The following HAUS7 variants were observed in gnomAD, a reference collection of about 807,000 sequenced individuals.
HAUS7 encodes the protein HAUS augmin-like complex subunit 7.
A neutral mutation model predicts 28.4 loss-of-function variants in HAUS7; 3 were observed. The ratio of observed to expected loss-of-function variants is 0.11; its 90% confidence interval spans 0.05 to 0.27. The LOEUF is 0.27. HAUS7 is among the 10% of genes least tolerant of loss of function. The pLI is 1.00. For missense variants in HAUS7, 284 were observed against 297.3 expected, an observed-to-expected ratio of 0.96 and a Z score of 0.33; for synonymous variants, 165 against 132.1, an observed-to-expected ratio of 1.25 and a Z score of -1.71.
chrX:153,486,953 G>A (rs782695229), intron 1 of HAUS7: 7 of 471,362 alleles, frequency 1.5e-5, no homozygotes, highest in Non-Finnish European at 2.2e-5. Context: ...CCCATTGACT[G>A]GTGAGGCCGC....
At chrX:153,453,277 T>G (rs1455464986) in intron 9 of HAUS7, among the ~76,000 whole-genome samples, 1 of 111,279 alleles carries the variant, frequency 9.0e-6, no homozygotes, top group Non-Finnish European at 1.9e-5. Flanking sequence ...TAGGGAGGGA[T>G]GGGGAATGGC....
intron 1 of HAUS7, chrX:153,486,870 C>A: frequency 1.1e-6 from 1 of 920,546 alleles, no homozygotes. Context: ...GAGGGGCAGG[C>A]TGAGGTGTGC....
intron 9 of HAUS7, among the ~76,000 whole-genome samples, chrX:153,451,853 C>G (rs2089243632): frequency 8.9e-6 from 1 of 111,789 alleles, no homozygotes; most frequent in Non-Finnish European, 1.9e-5. Context: ...CCTGATCTCT[C>G]ACCTCTGGCT....
chrX:153,454,020 T>C (rs899642244), intron 9 of HAUS7, among the ~76,000 whole-genome samples: 1 of 110,971 alleles, frequency 9.0e-6, no homozygotes, highest in Non-Finnish European at 1.9e-5. Flanking sequence ...GGTTTTGCCA[T>C]GTTGCCCAGG....
chrX:153,454,993 C>T lies in HAUS7; in HGVS notation c.931-485G>A, dbSNP rs781958912. 4.9e-6 allele frequency: 5 copies of T among 1,019,766 alleles called. No homozygotes were observed. The East Asian group carries it at 1.8e-4, about 37-fold the overall frequency. The allele number at this position is 1,019,766 out of a possible 1,213,427, so 84.0% of individuals were successfully genotyped here. On this transcript the variant is annotated intron_variant, in intron 8 of 9. Transcript: ENST00000370211. ...AATCCTTGAGCCAAGGGCAGAGTTG[C>T]GCACGTGGGAACTGTAGTCATCGTA... is the stretch of plus-strand genomic sequence containing the variant.
intron 1 of HAUS7, among the ~76,000 whole-genome samples, chrX:153,484,012 C>A (rs2089619318): frequency 8.9e-6 from 1 of 112,301 alleles, no homozygotes; most frequent in African/African-American, 3.2e-5. Flanking sequence ...ACAGAAATAA[C>A]CTCTCTCAGT....
chrX:153,474,235 C>A (rs2089547347), upstream of HAUS7, among the ~76,000 whole-genome samples: 1 of 112,300 alleles, frequency 8.9e-6, no homozygotes, highest in Admixed American at 9.3e-5. Flanking sequence ...GGGACCTTGG[C>A]TTCCTCTTCC....
chrX:153,463,341 C>T (rs2089416825), intron 3 of HAUS7, among the ~76,000 whole-genome samples: 2 of 111,801 alleles, frequency 1.8e-5, no homozygotes, highest in African/African-American at 6.5e-5. Context: ...ATATAAATGC[C>T]AACTGCATGC....
At chrX:153,467,246 A>G (rs1602941059) in intron 2 of HAUS7, among the ~76,000 whole-genome samples, 1 of 112,043 alleles carries the variant, frequency 8.9e-6, no homozygotes, top group East Asian at 2.8e-4. Context: ...CAGACAAGCC[A>G]TCTGCCACTC....
chrX:153,488,509 G>T (rs2089652529), intron 1 of HAUS7, among the ~76,000 whole-genome samples: 1 of 112,924 alleles, frequency 8.9e-6, no homozygotes, highest in Admixed American at 9.3e-5. Context: ...GCCAGACTGT[G>T]GCGGGGGCGG....
chrX:153,480,145 C>T (rs2089589809), intron 1 of HAUS7, among the ~76,000 whole-genome samples: 1 of 111,464 alleles, frequency 9.0e-6, no homozygotes, highest in Non-Finnish European at 1.9e-5. Flanking sequence ...GCTGGGGAAA[C>T]GCCCTACCCC....
chrX:153,479,458 G>A, intron 1 of HAUS7: 1 of 665,338 alleles, frequency 1.5e-6, no homozygotes, highest in Non-Finnish European at 1.8e-6. Flanking sequence ...GGGTACTCAG[G>A]CAGGGCTGCA....
intron 1 of HAUS7, chrX:153,483,417 T>A: frequency 2.6e-6 from 2 of 755,707 alleles, no homozygotes; most frequent in Non-Finnish European, 3.1e-6. Context: ...GAGCACTGGC[T>A]GGCACCCCGA....
chrX:153,447,695 A>C lies in HAUS7; in HGVS notation c.*183T>G. On this transcript the variant is annotated 3_prime_UTR_variant, in exon 10 of 10. Coordinates refer to ENST00000370211, the MANE Select transcript of HAUS7 (RefSeq NM_001385482.1). The stretch of plus-strand genomic sequence containing the variant: ...AGAAACCAAGGCTTTCTTTGTGTCC[A>C]AGTCAAACCGCCCGTCTGTCTCTCC... The C allele has an allele frequency of 1.8e-6, 1 of 566,998 alleles. No individual in the cohort carries two copies. The highest frequency in any genetic ancestry group is 3.2e-6 in the Non-Finnish European group (1 of 307,922). The allele number at this position is 566,998 out of a possible 1,213,427, so 46.7% of individuals were successfully genotyped here.
intron 8 of HAUS7, chrX:153,454,721 G>A: frequency 2.0e-6 from 1 of 489,743 alleles, no homozygotes; most frequent in African/African-American, 2.4e-5. Context: ...CCTCTTCCTG[G>A]CCCAGTGGGG....
intron 1 of HAUS7, chrX:153,486,900 G>T: frequency 1.2e-6 from 1 of 806,009 alleles, no homozygotes; most frequent in Non-Finnish European, 1.6e-6. Flanking sequence ...GCACCACTGG[G>T]AGAAAGGTCT....
intron 9 of HAUS7, among the ~76,000 whole-genome samples, chrX:153,451,552 G>A: frequency 8.9e-6 from 1 of 112,060 alleles, no homozygotes. Context: ...GCTGGCTGGA[G>A]GGTTCATCCA....
At chrX:153,453,634 A>C (rs1272652674) in intron 9 of HAUS7, among the ~76,000 whole-genome samples, 4 of 110,044 alleles carry the variant, frequency 3.6e-5, no homozygotes, top group African/African-American at 1.3e-4. Flanking sequence ...TGGATACTTA[A>C]TAATTACCAA....
intron 1 of HAUS7, among the ~76,000 whole-genome samples, chrX:153,492,131 G>GC (rs1556989740): frequency 2.7e-5 from 3 of 112,680 alleles, no homozygotes; most frequent in Non-Finnish European, 5.6e-5. Flanking sequence ...CCTGCCTTGC[G>GC]CCCCCCGTGC....
Sources: allele counts gnomAD v4.1 joint callset (sites outside exome capture counted in the v4.1 genomes callset), GRCh38; gene constraint gnomAD v4.1.1; transcripts MANE v1.5; gene names NCBI Gene and HGNC (gene_info 2026-07-23, HGNC 2026-07-21).